PDLIM7: variants seen among roughly 807,000 people sequenced by gnomAD.
PDLIM7 encodes the protein PDZ and LIM domain 7.
A neutral mutation model predicts 53.9 loss-of-function variants in PDLIM7; 37 were observed. The ratio of observed to expected loss-of-function variants is 0.69; its 90% CI spans 0.53 to 0.90. The LOEUF (loss-of-function observed/expected upper bound fraction) is 0.90. Ranked by LOEUF, PDLIM7 falls within the 40% of genes least tolerant of loss-of-function variation. The pLI, the probability that PDLIM7 is intolerant of heterozygous loss-of-function variation, is 0.00. For missense variants in PDLIM7, 617 were observed against 638.5 expected (o/e 0.97, Z 0.36); for synonymous variants, 300 against 261.3 (o/e 1.15, Z -1.43).
chr5:177,489,999 G>A (rs1758665044), intron 7 of PDLIM7, 167 bp from the exon 8 acceptor site: 1 of 1,534,886 alleles, frequency 6.5e-7, no homozygotes. Context: ...GCTTCTCCTA[G>A]CAATGTCCAG....
intron 10 of PDLIM7, 117 bp from the exon 11 acceptor site, chr5:177,484,307 C>T: frequency 7.6e-7 from 1 of 1,315,982 alleles, no homozygotes; most frequent in Non-Finnish European, 1.1e-6. Flanking sequence ...AACACTACAT[C>T]TAACTGTTCA....
In PDLIM7 at chr5:177,493,795, A is replaced by C. The variant is rs979069993; in HGVS notation, c.97-1118T>G. ...TGCATCAAGTAGGCTTTTGTGAGGC[A>C]GTGCTGGAAGACAATTTCACTGGGT... On this transcript the variant is annotated intron_variant, in intron 2 of 12. Coordinates refer to ENST00000355841, the MANE Select transcript of PDLIM7 (RefSeq NM_005451.5). Among the ~76,000 whole-genome samples, 11 of 142,412 alleles carry C rather than the reference A, an allele frequency of 7.7e-5. No homozygotes were observed. In the East Asian group the frequency reaches 1.5e-3, roughly 19 times the overall value. The allele number at this position is 142,412 out of a possible 152,430, so 93.4% of individuals were successfully genotyped here. A position where few individuals can be genotyped will look rare whatever the true frequency, so the allele number is the denominator to read the frequency against.
At chr5:177,496,786 T>C in intron 1 of PDLIM7, 1 of 265,078 alleles carries the variant, frequency 3.8e-6, no homozygotes, top group South Asian at 1.1e-4. Context: ...TTGAGGTTCT[T>C]TGCAACCAGG....
intron 10 of PDLIM7, chr5:177,487,756 G>A (rs773315807): frequency 1.2e-4 from 30 of 259,002 alleles, no homozygotes; most frequent in Middle Eastern, 2.3e-3. Flanking sequence ...CAGCTTCAGC[G>A]TGTCAAGTTG....
At chr5:177,494,472 A>C (rs1758964068) in intron 2 of PDLIM7, among the ~76,000 whole-genome samples, 1 of 145,998 alleles carries the variant, frequency 6.8e-6, no homozygotes, top group Non-Finnish European at 1.5e-5. Flanking sequence ...TGGCCCAGCC[A>C]CTCCCTGCCC....
At chr5:177,491,947 C>A in intron 4 of PDLIM7, 22 bp from the exon 5 acceptor site, 1 of 258,606 alleles carries the variant, frequency 3.9e-6, no homozygotes. Flanking sequence ...CACAGCCGGG[C>A]AGGGCGGGCG....
intron 2 of PDLIM7, 133 bp downstream of exon 2, chr5:177,496,284 A>G (rs938967470): frequency 3.3e-6 from 2 of 599,524 alleles, no homozygotes; most frequent in Non-Finnish European, 2.8e-6. Context: ...AGGTACCACT[A>G]CATCTCCGGA....
intron 1 of PDLIM7, 25 bp from the exon 2 acceptor site, chr5:177,496,548 G>A (rs1561707782): frequency 1.3e-6 from 2 of 1,515,124 alleles, no homozygotes; most frequent in Non-Finnish European, 1.8e-6. Context: ...GAGAAGGTGA[G>A]TGGCCAGCAT....
At position 177,492,651 on chromosome 5, in the gene PDLIM7, C is replaced by T; in HGVS notation, c.123G>A (p.Gln41=). The T allele has an allele frequency of 6.2e-7, 1 of 1,607,282 alleles. No individual in the cohort carries two copies. Among genetic ancestry groups the T allele is most frequent in the Non-Finnish European group, 8.5e-7 (1 of 1,179,944 alleles). The change falls in exon 3 of 13, where the codon CAG becomes CAA. Residue 41 remains glutamine (Q), a synonymous_variant. Transcript: ENST00000355841. Reference sequence around the variant, plus strand: ...CCCAGTCACCCACGGCCACTCCGGCCTGCGCCGCTTTGCCCCCAGGAGTGA... The same window carrying T: ...CCCAGTCACCCACGGCCACTCCGGCTTGCGCCGCTTTGCCCCCAGGAGTGA... The part of the protein sequence containing the change: ...SRLTPGGKAA[Q]AGVAVGDWVL...
At chr5:177,496,327 C>T (rs1759068227) in intron 2 of PDLIM7, 90 bp downstream of exon 2, 2 of 969,252 alleles carry the variant, frequency 2.1e-6, no homozygotes, top group South Asian at 1.9e-5. Flanking sequence ...GGCCCCTGAC[C>T]AGCTCCTGTT....
Position 177,491,931 on chromosome 5 carries a change from C to A in PDLIM7, c.280-6G>T, listed in dbSNP as rs1758814377. On this transcript the variant is annotated splice_polypyrimidine_tract_variant and splice_region_variant and intron_variant, in intron 4 of 12. Transcript: ENST00000355841. ...TCCGCGGCGGGGGCGGAGGCCTGGG[C>A]AGAGACACAGCCGGGCAGGGCGGGC... The A allele has an allele frequency of 1.2e-6, 1 of 849,102 alleles. No homozygotes were observed. Among genetic ancestry groups the A allele is most frequent in the South Asian group, 4.1e-5 (1 of 24,610 alleles). 52.6% of individuals were successfully genotyped at this position (849,102 alleles called of 1,614,324 possible). A position where few individuals can be genotyped will look rare whatever the true frequency, so the allele number is the denominator to read the frequency against.
At chr5:177,492,782 C>T in intron 2 of PDLIM7, 105 bp from the exon 3 acceptor site, 1 of 1,249,910 alleles carries the variant, frequency 8.0e-7, no homozygotes, top group Non-Finnish European at 1.1e-6. Context: ...CTTCCAGAAC[C>T]CAGAGAGCTC....
At position 177,488,200 on chromosome 5, in the gene PDLIM7, A is replaced by C. The variant is rs533081826; in HGVS notation, c.918T>G (p.Phe306Leu). 1 of 1,613,008 alleles carries C rather than the reference A, an allele frequency of 6.2e-7. No homozygotes were observed. Among genetic ancestry groups the C allele is most frequent in the South Asian group, 1.1e-5 (1 of 91,070 alleles). ...ALGHAYHPEE[F>L]VCSQCGKVLE... is the part of the protein sequence containing the mutation. ...GGACCTTCCCACACTGGCTACACAC[A>C]AACTCCTCCGGGTGGTACGCGTGGC... The change falls in exon 10 of 13, where the codon TTT (phenylalanine) becomes TTG (leucine). Residue 306 changes from phenylalanine (F) to leucine (L), a missense_variant. Transcript: ENST00000355841.
Position 177,489,632 on chromosome 5 carries a change from CG to C in PDLIM7, c.635-6del, listed in dbSNP as rs1338097135. On this transcript the variant is annotated splice_region_variant and splice_polypyrimidine_tract_variant and intron_variant, in intron 8 of 12. Transcript: ENST00000355841. Reference sequence around the variant, plus strand: ...TAGGGCTGGGGGCGGTAGGGCCTGCCGGGGAAAGTGACTCTAAAGGGGTGCC... The same window carrying C: ...TAGGGCTGGGGGCGGTAGGGCCTGCCGGGAAAGTGACTCTAAAGGGGTGCC... 16 of 1,580,456 alleles carry C rather than the reference CG, an allele frequency of 1.0e-5. No homozygotes were observed. The highest frequency in any genetic ancestry group is 1.8e-5 in the Admixed American group (1 of 56,532).
intron 7 of PDLIM7, 127 bp from the exon 8 acceptor site, chr5:177,489,959 G>C: frequency 1.3e-6 from 2 of 1,536,476 alleles, no homozygotes; most frequent in African/African-American, 2.7e-5. Context: ...TTGGATTCCA[G>C]GTCCCACTGG....
chr5:177,489,949 T>G, intron 7 of PDLIM7, 117 bp from the exon 8 acceptor site: 1 of 1,537,096 alleles, frequency 6.5e-7, no homozygotes, highest in South Asian at 1.2e-5. Context: ...AACTGCCGAG[T>G]TGGATTCCAG....
chr5:177,493,500 G>A (rs1758909511), intron 2 of PDLIM7, among the ~76,000 whole-genome samples: 5 of 152,350 alleles, frequency 3.3e-5, no homozygotes, highest in Middle Eastern at 3.4e-3. Flanking sequence ...GGTGGGCCTC[G>A]GTAAAGGAGA....
In PDLIM7 at chr5:177,483,617, A is replaced by C; in HGVS notation, c.*27T>G. 3.7e-5 allele frequency: 54 copies of C among 1,479,312 alleles called. No homozygotes were observed. The highest frequency in any genetic ancestry group is 4.5e-5 in the Non-Finnish European group (48 of 1,060,094). The allele number at this position is 1,479,312 out of a possible 1,614,324, so 91.6% of individuals were successfully genotyped here. ...CTCCAGGCCCCTCAGGCTAGGGGCCACCGCGGCAGCTGTGGGCAGAAGGGG... is the reference window on the plus strand; with the variant it reads ...CTCCAGGCCCCTCAGGCTAGGGGCCCCCGCGGCAGCTGTGGGCAGAAGGGG... On this transcript the variant is annotated 3_prime_UTR_variant, in exon 13 of 13. Transcript: ENST00000355841.
rs770922698 is a variant in PDLIM7, at chr5:177,492,394, C to T, written c.279+11G>A. 2 of 1,613,028 alleles carry T rather than the reference C, an allele frequency of 1.2e-6. No individual in the cohort carries two copies. The highest frequency in any genetic ancestry group is 2.2e-5 in the East Asian group (1 of 44,848). On this transcript the variant is annotated intron_variant, in intron 4 of 12. Coordinates refer to ENST00000355841, the MANE Select transcript of PDLIM7 (RefSeq NM_005451.5). ...CCGCCCACCGCCCGGATGTCCCGGCCAGCCTCGTACCTTCTGCGGTTTGCT... is the reference window on the plus strand; with the variant it reads ...CCGCCCACCGCCCGGATGTCCCGGCTAGCCTCGTACCTTCTGCGGTTTGCT...
Sources: gnomAD v4.1 joint callset for allele counts (sites outside exome capture counted in the v4.1 genomes callset) on GRCh38, gnomAD v4.1.1 for gene constraint, MANE v1.5 for transcripts, NCBI Gene and HGNC (gene_info 2026-07-23, HGNC 2026-07-21) for gene names.